GRIK1: variants seen among roughly 807,000 people sequenced by gnomAD.
The protein encoded by GRIK1 is glutamate ionotropic receptor kainate type subunit 1.
In GRIK1, 69 loss-of-function variants were observed where a neutral mutation model predicts 105.7. The ratio of observed to expected loss-of-function variants is 0.65; its 90% CI spans 0.54 to 0.80. The LOEUF is 0.80. Ranked by LOEUF, GRIK1 falls within the 30% of genes least tolerant of loss-of-function variation. The probability of loss-of-function intolerance (pLI) is 0.00; values close to 1 mark genes in which losing one functional copy is unlikely to be tolerated. For synonymous variants in GRIK1, 438 were observed against 431.3 expected, an observed-to-expected ratio of 1.02 and a Z score of -0.19; for missense variants, 1,109 against 1,167.3, an observed-to-expected ratio of 0.95 and a Z score of 0.73.
chr21:29,864,963 G>A lies in GRIK1; in HGVS notation c.118+74420C>T, dbSNP rs2068755513. Reference sequence around the variant, plus strand: ...GACAGAGGCCAAGTAATGCTGCTAAGCATCCTACAACATTCAGAACAGTCC... The same window carrying A: ...GACAGAGGCCAAGTAATGCTGCTAAACATCCTACAACATTCAGAACAGTCC... On this transcript the variant is annotated intron_variant, in intron 1 of 17. Coordinates refer to ENST00000327783, the MANE Select transcript of GRIK1 (RefSeq NM_001330994.2). Among the ~76,000 whole-genome samples, 3 of 152,258 alleles carry A rather than the reference G, an allele frequency of 2.0e-5. No homozygotes were observed. In the South Asian group the frequency reaches 6.2e-4, roughly 32 times the overall value.
chr21:29,618,446 C>T (rs1026577205), intron 7 of GRIK1, among the ~76,000 whole-genome samples: 25 of 152,294 alleles, frequency 1.6e-4, no homozygotes, highest in Non-Finnish European at 3.1e-4. Context: ...TGGAAAACAG[C>T]GTGGCGATTC....
intron 1 of GRIK1, among the ~76,000 whole-genome samples, chr21:29,718,352 A>G: frequency 6.6e-6 from 1 of 152,198 alleles, no homozygotes; most frequent in East Asian, 1.9e-4. Flanking sequence ...ACTTGTTTTC[A>G]TTTATTATTT....
chr21:29,801,182 T>C (rs575084455), intron 1 of GRIK1, among the ~76,000 whole-genome samples: 1 of 152,010 alleles, frequency 6.6e-6, no homozygotes, highest in South Asian at 2.1e-4. Flanking sequence ...GTTGACCATT[T>C]CTTCTACACT....
chr21:29,627,386 T>C (rs2062155771), intron 7 of GRIK1, among the ~76,000 whole-genome samples: 1 of 152,112 alleles, frequency 6.6e-6, no homozygotes. Context: ...GAGAGAAAAG[T>C]AGAGGGAAGG....
At chr21:29,696,673 G>A (rs1465666370) in intron 1 of GRIK1, among the ~76,000 whole-genome samples, 1 of 152,204 alleles carries the variant, frequency 6.6e-6, no homozygotes, top group East Asian at 1.9e-4. Flanking sequence ...AGCCCCACAG[G>A]GAGAGCCCGC....
chr21:29,585,791 T>G (rs769034913), intron 12 of GRIK1, among the ~76,000 whole-genome samples: 2 of 152,206 alleles, frequency 1.3e-5, no homozygotes, highest in African/African-American at 2.4e-5. Context: ...GAGTCACTAA[T>G]GAAAAATACC....
chr21:29,544,552 A>AT (rs2090021671), intron 16 of GRIK1, among the ~76,000 whole-genome samples: 1 of 152,178 alleles, frequency 6.6e-6, no homozygotes. Flanking sequence ...GTGCTTTTAT[A>AT]TGCATTATCT....
At chr21:29,656,354 CAAAAAAA>C (rs3054331) in intron 4 of GRIK1, among the ~76,000 whole-genome samples, 69 of 51,126 alleles carry the variant, frequency 1.3e-3, no homozygotes, top group African/African-American at 2.0e-3. Context: ...GAGCGAGACT[CAAAAAAA>C]AAAAAAAAAA....
At chr21:29,718,035 TG>T (rs2064221677) in intron 1 of GRIK1, among the ~76,000 whole-genome samples, 1 of 152,154 alleles carries the variant, frequency 6.6e-6, no homozygotes, top group African/African-American at 2.4e-5. Context: ...CCCCTTTGCT[TG>T]GTACTTCTCC....
chr21:29,702,839 GA>G (rs1418131889), intron 1 of GRIK1, among the ~76,000 whole-genome samples: 5 of 151,300 alleles, frequency 3.3e-5, no homozygotes, highest in Admixed American at 1.3e-4. Flanking sequence ...AGCCTTCAGA[GA>G]AAATAAGACC....
At chr21:29,796,004 A>T (rs2066545642) in intron 1 of GRIK1, among the ~76,000 whole-genome samples, 1 of 152,050 alleles carries the variant, frequency 6.6e-6, no homozygotes. Context: ...GTACATTATC[A>T]CCCTTAAGAT....
At chr21:29,803,467 T>C (rs1182186188) in intron 1 of GRIK1, among the ~76,000 whole-genome samples, 2 of 152,148 alleles carry the variant, frequency 1.3e-5, no homozygotes, top group African/African-American at 2.4e-5. Flanking sequence ...AAAGTGTCAA[T>C]AGAATGCAGG....
chr21:29,818,320 A>G (rs543735447), intron 1 of GRIK1, among the ~76,000 whole-genome samples: 1 of 152,078 alleles, frequency 6.6e-6, no homozygotes. Flanking sequence ...CAAAAATCAC[A>G]CTGAATCAAT....
In GRIK1 at chr21:29,555,244, C is replaced by T; in HGVS notation, c.2415G>A (p.Lys805=). The change falls in exon 16 of 18, where the codon AAG becomes AAA. Residue 805 remains lysine (K), a synonymous_variant. Coordinates refer to ENST00000327783, the MANE Select transcript of GRIK1 (RefSeq NM_001330994.2). ...IAILQLQEEG[K]LHMMKEKWWR... ...ACCACTTCTCTTTCATCATATGCAGCTTCCCTTCTTCTTGGAGTTGAAGAA... is the reference window on the plus strand; with the variant it reads ...ACCACTTCTCTTTCATCATATGCAGTTTCCCTTCTTCTTGGAGTTGAAGAA... The T allele has an allele frequency of 6.2e-7, 1 of 1,613,494 alleles. No individual in the cohort carries two copies.
At chr21:29,884,731 G>A (rs775288660) in intron 1 of GRIK1, among the ~76,000 whole-genome samples, 29 of 152,006 alleles carry the variant, frequency 1.9e-4, no homozygotes, top group Admixed American at 1.2e-3. Flanking sequence ...CCTTCAAGAC[G>A]AGACAACGGA....
At chr21:29,705,840 G>A (rs1204747371) in intron 1 of GRIK1, among the ~76,000 whole-genome samples, 4 of 151,058 alleles carry the variant, frequency 2.6e-5, no homozygotes, top group Admixed American at 2.6e-4. Context: ...TATTTAAAAT[G>A]CATTTGCTAT....
intron 1 of GRIK1, among the ~76,000 whole-genome samples, chr21:29,916,280 A>G (rs1183109380): frequency 6.6e-6 from 1 of 151,726 alleles, no homozygotes; most frequent in Non-Finnish European, 1.5e-5. Flanking sequence ...TATTTATGCA[A>G]TGTCATACAC....
intron 1 of GRIK1, among the ~76,000 whole-genome samples, chr21:29,748,008 G>T (rs1168471042): frequency 6.6e-6 from 1 of 152,110 alleles, no homozygotes; most frequent in East Asian, 1.9e-4. Flanking sequence ...AAATAAAAGA[G>T]ACATGCCACC....
chr21:29,782,092 T>C (rs957072648), intron 1 of GRIK1, among the ~76,000 whole-genome samples: 2 of 151,224 alleles, frequency 1.3e-5, no homozygotes, highest in African/African-American at 2.4e-5. Context: ...ACACCTTTTT[T>C]TTTTTTTTTT....
Sources: gnomAD v4.1 joint callset for allele counts (sites outside exome capture counted in the v4.1 genomes callset) on GRCh38, gnomAD v4.1.1 for gene constraint, MANE v1.5 for transcripts, NCBI Gene and HGNC (gene_info 2026-07-23, HGNC 2026-07-21) for gene names.